DOCK3: variants seen among roughly 807,000 people sequenced by gnomAD.
The protein encoded by DOCK3 is dedicator of cytokinesis protein 3.
DOCK3 carries 60 observed loss-of-function variants against 265.6 expected under a neutral mutation model. The observed-to-expected ratio is 0.23, with a 90% CI of 0.18 to 0.28. DOCK3 has a LOEUF of 0.28. Ranked by LOEUF, DOCK3 falls within the 10% of genes least tolerant of loss-of-function variation. The probability of loss-of-function intolerance (pLI) is 1.00; values close to 1 mark genes in which losing one functional copy is unlikely to be tolerated. For synonymous variants in DOCK3, 881 were observed against 938.0 expected, an observed-to-expected ratio of 0.94 and a Z score of 1.11; for missense variants, 1,981 against 2,594.3, an observed-to-expected ratio of 0.76 and a Z score of 5.14.
chr3:50,764,192 G>A (rs1167893660), intron 1 of DOCK3, among the ~76,000 whole-genome samples: 1 of 151,872 alleles, frequency 6.6e-6, no homozygotes, highest in African/African-American at 2.4e-5. Context: ...TAGTCTGTAT[G>A]CTAACATGTA....
intron 1 of DOCK3, among the ~76,000 whole-genome samples, chr3:50,748,302 T>A (rs949614334): frequency 1.3e-5 from 2 of 152,204 alleles, no homozygotes; most frequent in East Asian, 3.9e-4. Context: ...CCAGTGTGCC[T>A]GGCCCTGTGG....
At chr3:50,937,275 C>T (rs1381839762) in intron 5 of DOCK3, among the ~76,000 whole-genome samples, 2 of 25,590 alleles carry the variant, frequency 7.8e-5, no homozygotes, top group African/African-American at 7.8e-5. Flanking sequence ...AAAACTCCAT[C>T]TAAAAAAAAA....
chr3:51,118,895 A>G (rs977451272), intron 9 of DOCK3, among the ~76,000 whole-genome samples: 1 of 152,066 alleles, frequency 6.6e-6, no homozygotes, highest in Non-Finnish European at 1.5e-5. Context: ...TCTTCTGAAT[A>G]TAGCACACTG....
At chr3:50,793,359 T>C (rs990772944) in intron 2 of DOCK3, among the ~76,000 whole-genome samples, 6 of 114,576 alleles carry the variant, frequency 5.2e-5, no homozygotes, top group Admixed American at 9.1e-5. Flanking sequence ...TTTCTTTTTC[T>C]TTTTTTTTTT....
intron 5 of DOCK3, among the ~76,000 whole-genome samples, chr3:51,055,614 T>C (rs893087072): frequency 6.6e-6 from 1 of 152,206 alleles, no homozygotes; most frequent in Non-Finnish European, 1.5e-5. Context: ...ACTGTGAGCC[T>C]GAGAACGCCT....
At chr3:50,715,012 C>G (rs1243542224) in intron 1 of DOCK3, among the ~76,000 whole-genome samples, 4 of 152,210 alleles carry the variant, frequency 2.6e-5, no homozygotes, top group African/African-American at 7.2e-5. Context: ...AGCAATTGCA[C>G]TCAACATATT....
At chr3:50,898,406 T>C (rs888497690) in intron 4 of DOCK3, among the ~76,000 whole-genome samples, 3 of 152,198 alleles carry the variant, frequency 2.0e-5, no homozygotes, top group African/African-American at 7.2e-5. Flanking sequence ...TCTACCTATT[T>C]TGTTAATCTT....
intron 1 of DOCK3, among the ~76,000 whole-genome samples, chr3:50,747,742 T>C (rs2039535096): frequency 6.6e-6 from 1 of 152,062 alleles, no homozygotes; most frequent in Non-Finnish European, 1.5e-5. Context: ...CGCATGCCTA[T>C]AATCCCAGCT....
intron 19 of DOCK3, among the ~76,000 whole-genome samples, chr3:51,232,977 G>A (rs1446290503): frequency 2.0e-5 from 3 of 152,148 alleles, no homozygotes; most frequent in Non-Finnish European, 4.4e-5. Context: ...TGTTCCATTG[G>A]TCTGTGTGTC....
intron 23 of DOCK3, among the ~76,000 whole-genome samples, chr3:51,267,055 A>C (rs1015888655): frequency 6.6e-6 from 1 of 152,222 alleles, no homozygotes; most frequent in East Asian, 1.9e-4. Context: ...CAGCCAACCA[A>C]CATATGAAAA....
intron 27 of DOCK3, among the ~76,000 whole-genome samples, chr3:51,291,730 A>G (rs146125157): frequency 3.3e-5 from 5 of 152,322 alleles, no homozygotes; most frequent in African/African-American, 1.2e-4. Flanking sequence ...AGGAGGGAAT[A>G]TTTCCAAACT....
intron 1 of DOCK3, among the ~76,000 whole-genome samples, chr3:50,747,770 A>G (rs972664062): frequency 1.3e-5 from 2 of 151,564 alleles, no homozygotes; most frequent in African/African-American, 2.4e-5. Flanking sequence ...AGGCTGAGGC[A>G]GGAGAATCTC....
At chr3:51,067,849 CAA>C (rs1046329246) in intron 6 of DOCK3, among the ~76,000 whole-genome samples, 3 of 152,114 alleles carry the variant, frequency 2.0e-5, no homozygotes, top group Non-Finnish European at 4.4e-5. Flanking sequence ...ATTGTAAAAA[CAA>C]AGTCATTTCA....
chr3:51,083,853 G>T (rs1054462573), intron 7 of DOCK3, among the ~76,000 whole-genome samples: 1 of 152,060 alleles, frequency 6.6e-6, no homozygotes, highest in Non-Finnish European at 1.5e-5. Context: ...GCATGGTGAT[G>T]TGCACCTGTA....
intron 2 of DOCK3, among the ~76,000 whole-genome samples, chr3:50,813,039 A>G (rs1373941253): frequency 1.3e-5 from 2 of 152,214 alleles, no homozygotes; most frequent in East Asian, 1.9e-4. Context: ...TGGTAAGAAA[A>G]AAATATACAA....
chr3:51,303,710 A>G (rs2082486126), intron 27 of DOCK3, among the ~76,000 whole-genome samples: 1 of 152,116 alleles, frequency 6.6e-6, no homozygotes, highest in African/African-American at 2.4e-5. Flanking sequence ...TCCAGACCCT[A>G]TTCACCTGGG....
chr3:51,331,075 G>A (rs1390373060), intron 33 of DOCK3, among the ~76,000 whole-genome samples: 1 of 152,200 alleles, frequency 6.6e-6, no homozygotes, highest in Non-Finnish European at 1.5e-5. Flanking sequence ...TGCAAGGTGT[G>A]CAGAGTAGAA....
intron 3 of DOCK3, among the ~76,000 whole-genome samples, chr3:50,869,533 G>T (rs1470449603): frequency 6.6e-6 from 1 of 151,306 alleles, no homozygotes; most frequent in African/African-American, 2.4e-5. Context: ...GCCATGCCCA[G>T]CTAATTTCTT....
At chr3:51,161,477 A>T (rs2086140381) in intron 12 of DOCK3, among the ~76,000 whole-genome samples, 1 of 152,104 alleles carries the variant, frequency 6.6e-6, no homozygotes, top group Non-Finnish European at 1.5e-5. Context: ...AGAACAAAAA[A>T]ATAAAATGCG....
Sources: gnomAD v4.1 joint callset for allele counts (sites outside exome capture counted in the v4.1 genomes callset) on GRCh38, gnomAD v4.1.1 for gene constraint, MANE v1.5 for transcripts, NCBI Gene and HGNC (gene_info 2026-07-23, HGNC 2026-07-21) for gene names.